LGI1: variants seen among roughly 807,000 people sequenced by gnomAD.
LGI1 encodes leucine-rich glioma-inactivated protein 1.
In LGI1, 11 loss-of-function variants were observed where a neutral mutation model predicts 57.7. The ratio of observed to expected loss-of-function variants is 0.19; its 90% CI spans 0.12 to 0.32. The LOEUF (loss-of-function observed/expected upper bound fraction) is 0.32. LGI1 is among the 10% of genes least tolerant of loss of function. The pLI is 1.00. For missense variants in LGI1, 422 were observed against 661.9 expected, an observed-to-expected ratio of 0.64 and a Z score of 3.98; for synonymous variants, 222 against 241.9, an observed-to-expected ratio of 0.92 and a Z score of 0.76.
intron 2 of LGI1, chr10:93,768,619 TA>T (rs1195892182): frequency 1.3e-5 from 2 of 152,166 alleles, no homozygotes; most frequent in African/African-American, 2.4e-5. Flanking sequence ...GGATGAGAGA[TA>T]ATCCCAGGAG....
At chr10:93,771,201 T>C (rs574826665) in intron 2 of LGI1, 1 of 152,306 alleles carries the variant, frequency 6.6e-6, no homozygotes, top group African/African-American at 2.4e-5. Flanking sequence ...TTTGGGTAAA[T>C]ATTTAGAAAA....
chr10:93,772,904 A>G (rs2059754142), intron 2 of LGI1: 1 of 151,894 alleles, frequency 6.6e-6, no homozygotes, highest in Non-Finnish European at 1.5e-5. Flanking sequence ...GTGAAACTCC[A>G]TCTCTATAAA....
intron 4 of LGI1, chr10:93,788,220 C>A (rs189719824): frequency 6.6e-6 from 1 of 152,354 alleles, no homozygotes; most frequent in Admixed American, 6.5e-5. Context: ...TCTCTTCATT[C>A]AAACACCAGT....
chr10:93,758,427 T>C lies in LGI1; in HGVS notation c.215+68T>C. The C allele has an allele frequency of 2.8e-6, 4 of 1,429,178 alleles. No individual in the cohort carries two copies. The Admixed American group carries it at 6.7e-5, about 24-fold the overall frequency. 88.5% of individuals were successfully genotyped at this position (1,429,178 alleles called of 1,614,324 possible). On this transcript the variant is annotated intron_variant, in intron 1 of 7. Coordinates refer to ENST00000371418, the MANE Select transcript of LGI1 (RefSeq NM_005097.4). The surrounding 1 kb of genome is among the most constrained non-coding windows in gnomAD (Gnocchi z 4.7). The stretch of plus-strand genomic sequence containing the variant: ...AATTCCAGCCGGTGGATTTGGGGCT[T>C]TGCATGTATTTGTAGAAGGGCATGG...
At chr10:93,781,113 C>T (rs1416469503) in intron 4 of LGI1, among the ~76,000 whole-genome samples, 1 of 151,776 alleles carries the variant, frequency 6.6e-6, no homozygotes, top group Non-Finnish European at 1.5e-5. Flanking sequence ...AATCCCAGCA[C>T]TTTGGGAAGC....
chr10:93,770,597 C>A (rs967866812), intron 2 of LGI1: 4 of 152,226 alleles, frequency 2.6e-5, no homozygotes, highest in Admixed American at 6.5e-5. Context: ...GAAGTAAATT[C>A]TGTGTGTCCT....
chr10:93,769,441 T>C (rs1329171966), intron 2 of LGI1: 2 of 152,236 alleles, frequency 1.3e-5, no homozygotes, highest in Non-Finnish European at 2.9e-5. Context: ...TCACGGGACC[T>C]GAGTTTCCTT....
At chr10:93,777,755 C>T in intron 4 of LGI1, 138 bp downstream of exon 4, 1 of 679,768 alleles carries the variant, frequency 1.5e-6, no homozygotes, top group Non-Finnish European at 2.6e-6. Flanking sequence ...TGCACACTTG[C>T]CATCTTTCCC....
At chr10:93,759,622 G>A (rs192595840) in intron 2 of LGI1, among the ~76,000 whole-genome samples, 1 of 152,348 alleles carries the variant, frequency 6.6e-6, no homozygotes, top group East Asian at 1.9e-4. Flanking sequence ...CCAGGACTCA[G>A]GTATCAGGTC....
intron 4 of LGI1, among the ~76,000 whole-genome samples, chr10:93,784,698 A>T (rs928652974): frequency 1.3e-4 from 20 of 152,192 alleles, no homozygotes; most frequent in African/African-American, 4.8e-4. Context: ...TATTCCTAAG[A>T]ATTAAGAATT....
intron 7 of LGI1, among the ~76,000 whole-genome samples, chr10:93,795,772 G>A (rs541521285): frequency 4.6e-5 from 7 of 152,298 alleles, no homozygotes; most frequent in Middle Eastern, 3.4e-3. Flanking sequence ...GGAATCTGGT[G>A]GCCATCCTTA....
chr10:93,779,908 T>C (rs1277180042), intron 4 of LGI1, among the ~76,000 whole-genome samples: 7 of 152,174 alleles, frequency 4.6e-5, no homozygotes, highest in Non-Finnish European at 1.5e-5. Flanking sequence ...GACCCTTAGG[T>C]CTCTTGTATC....
At chr10:93,791,262 G>A (rs142873475) in intron 5 of LGI1, 72 of 152,376 alleles carry the variant, frequency 4.7e-4, no homozygotes, top group African/African-American at 1.6e-3. Context: ...TAGCCTGAAA[G>A]GTTGCCACTC....
rs1564845038 is a variant in LGI1 at position 93,777,527 on chromosome 10, AT to A, written c.360-18del. The A allele has an allele frequency of 6.2e-7, 1 of 1,612,490 alleles. No individual in the cohort carries two copies. The highest frequency in any genetic ancestry group is 8.5e-7 in the Non-Finnish European group (1 of 1,178,540). ...AGTTCCTGTAACTGTTTGACAAAAA[AT>A]ATTATAACTTATTGCAGATTCATAG... On this transcript the variant is annotated intron_variant, in intron 3 of 7. Coordinates refer to ENST00000371418, the MANE Select transcript of LGI1 (RefSeq NM_005097.4).
At chr10:93,762,093 G>T (rs1261273693) in intron 2 of LGI1, among the ~76,000 whole-genome samples, 1 of 152,112 alleles carries the variant, frequency 6.6e-6, no homozygotes, top group East Asian at 1.9e-4. Context: ...ATAAACCCCT[G>T]TAATTCCCGA....
At chr10:93,792,527 T>C (rs2059945744) in intron 5 of LGI1, 2 of 614,646 alleles carry the variant, frequency 3.3e-6, no homozygotes, top group South Asian at 1.9e-5. Context: ...AGGGAGTAAG[T>C]GATGAGGTTC....
chr10:93,771,645 A>C (rs1282323178), intron 2 of LGI1: 1 of 152,172 alleles, frequency 6.6e-6, no homozygotes, highest in Non-Finnish European at 1.5e-5. Context: ...TAACAAAACT[A>C]CACTTGCACC....
At position 93,758,728 on chromosome 10, in the gene LGI1, T is replaced by C; in HGVS notation, c.216-32T>C. 4.0e-6 allele frequency: 6 copies of C among 1,482,930 alleles called. No homozygotes were observed. Among genetic ancestry groups the C allele is most frequent in the Non-Finnish European group, 5.6e-6 (6 of 1,063,088 alleles). 91.9% of individuals were successfully genotyped at this position (1,482,930 alleles called of 1,614,324 possible). On this transcript the variant is annotated intron_variant, in intron 1 of 7. Transcript: ENST00000371418. The surrounding 1 kb of genome is among the most constrained non-coding windows in gnomAD (Gnocchi z 4.7). ...TGTGTGTCTCTTTGTGTGTGTCTGT[T>C]TGTTTGTTTTCTCTTTTTTGTTTTC...
Position 93,758,446 on chromosome 10 carries a change from G to T in LGI1, c.215+87G>T. The T allele has an allele frequency of 1.6e-6, 2 of 1,251,166 alleles. No homozygotes were observed. The highest frequency in any genetic ancestry group is 2.4e-5 in the South Asian group (2 of 83,400). 77.5% of individuals were successfully genotyped at this position (1,251,166 alleles called of 1,614,324 possible). Reference sequence around the variant, plus strand: ...GGGGCTTTGCATGTATTTGTAGAAGGGCATGGAGAGAGAGATTCCTCTTGC... The same window carrying T: ...GGGGCTTTGCATGTATTTGTAGAAGTGCATGGAGAGAGAGATTCCTCTTGC... On this transcript the variant is annotated intron_variant, in intron 1 of 7. Coordinates refer to ENST00000371418, the MANE Select transcript of LGI1 (RefSeq NM_005097.4). The surrounding 1 kb of genome is among the most constrained non-coding windows in gnomAD (Gnocchi z 4.7).
Sources: gnomAD v4.1 joint callset for allele counts (sites outside exome capture counted in the v4.1 genomes callset) on GRCh38, gnomAD v4.1.1 for gene constraint, Gnocchi (gnomAD v3.1) non-coding constraint, MANE v1.5 for transcripts, NCBI Gene and HGNC (gene_info 2026-07-23, HGNC 2026-07-21) for gene names.